FAM168A: variants seen among roughly 807,000 people sequenced by gnomAD.
FAM168A encodes protein FAM168A.
In FAM168A, 3 loss-of-function variants were observed where a neutral mutation model predicts 28.5. The observed-to-expected ratio is 0.11, with a 90% CI of 0.05 to 0.27. The LOEUF is 0.27. Ranked by LOEUF, FAM168A falls within the 10% of genes least tolerant of loss-of-function variation. The pLI, the probability that FAM168A is intolerant of heterozygous loss-of-function variation, is 1.00. For synonymous variants in FAM168A, 122 were observed against 124.2 expected (o/e 0.98, Z 0.12); for missense variants, 222 against 311.5 (o/e 0.71, Z 2.16).
intron 1 of FAM168A, among the ~76,000 whole-genome samples, chr11:73,543,619 T>A (rs1425371954): frequency 6.6e-6 from 1 of 152,180 alleles, no homozygotes; most frequent in Non-Finnish European, 1.5e-5. Flanking sequence ...CTAAACAGAC[T>A]GAATATTCTT....
At chr11:73,463,272 A>G (rs1159703588) in intron 2 of FAM168A, among the ~76,000 whole-genome samples, 1 of 152,178 alleles carries the variant, frequency 6.6e-6, no homozygotes, top group Non-Finnish European at 1.5e-5. Flanking sequence ...CAGCCAAGAT[A>G]GTACATGTGT....
chr11:73,557,498 G>A (rs1213325661), intron 1 of FAM168A, among the ~76,000 whole-genome samples: 1 of 151,998 alleles, frequency 6.6e-6, no homozygotes. Context: ...CCAAAGTGCT[G>A]GGATTATAGG....
intron 2 of FAM168A, among the ~76,000 whole-genome samples, chr11:73,437,400 C>CTTTTTTT (rs747204512): frequency 2.9e-5 from 3 of 103,514 alleles, no homozygotes; most frequent in Non-Finnish European, 5.7e-5. Flanking sequence ...CCCGGCCACT[C>CTTTTTTT]TTTTTTTTTT....
chr11:73,576,262 T>C (rs557847369), intron 1 of FAM168A, among the ~76,000 whole-genome samples: 6 of 152,186 alleles, frequency 3.9e-5, no homozygotes, highest in African/African-American at 7.2e-5. Context: ...CCAACCAGCA[T>C]GAACAATCTA....
intron 1 of FAM168A, among the ~76,000 whole-genome samples, chr11:73,526,008 T>C (rs919861773): frequency 1.3e-5 from 2 of 152,216 alleles, no homozygotes; most frequent in African/African-American, 4.8e-5. Flanking sequence ...GGGGTAGTAG[T>C]ATGCTGTTTT....
At chr11:73,578,927 A>G (rs1041890136) in intron 1 of FAM168A, among the ~76,000 whole-genome samples, 2 of 152,218 alleles carry the variant, frequency 1.3e-5, no homozygotes, top group South Asian at 2.1e-4. Context: ...TGCTGTGTAC[A>G]TAACAGAATA....
intron 1 of FAM168A, among the ~76,000 whole-genome samples, chr11:73,543,296 C>T (rs1031010245): frequency 1.3e-4 from 16 of 126,676 alleles, no homozygotes; most frequent in Middle Eastern, 5.6e-3. Flanking sequence ...TGGAGTCTTG[C>T]TCTGTTGCCC....
intron 1 of FAM168A, among the ~76,000 whole-genome samples, chr11:73,586,828 G>A (rs1944318359): frequency 6.6e-6 from 1 of 152,078 alleles, no homozygotes; most frequent in African/African-American, 2.4e-5. Flanking sequence ...TTCTCTAAAA[G>A]CCATTTCACA....
At chr11:73,478,122 T>C (rs1867916755) in intron 1 of FAM168A, among the ~76,000 whole-genome samples, 1 of 152,234 alleles carries the variant, frequency 6.6e-6, no homozygotes. Context: ...AATGCTGCCA[T>C]ATTGGAGCAA....
chr11:73,516,377 G>A (rs1337519920), intron 1 of FAM168A, among the ~76,000 whole-genome samples: 1 of 152,116 alleles, frequency 6.6e-6, no homozygotes, highest in Admixed American at 6.5e-5. Flanking sequence ...ATAATTAAAT[G>A]AGAGAAATTG....
At chr11:73,439,952 C>G (rs1443771207) in intron 2 of FAM168A, among the ~76,000 whole-genome samples, 1 of 128,058 alleles carries the variant, frequency 7.8e-6, no homozygotes, top group Non-Finnish European at 1.5e-5. Flanking sequence ...ATGGTGTGAT[C>G]TCTGCTCACT....
chr11:73,407,085 G>C (rs989627139), intron 7 of FAM168A, among the ~76,000 whole-genome samples: 18 of 152,214 alleles, frequency 1.2e-4, no homozygotes, highest in Admixed American at 3.9e-4. Context: ...TTCATTTGAA[G>C]AATGGGGCCC....
At chr11:73,463,616 G>A (rs912901739) in intron 2 of FAM168A, among the ~76,000 whole-genome samples, 18 of 152,114 alleles carry the variant, frequency 1.2e-4, no homozygotes, top group East Asian at 5.8e-4. Context: ...AGGGAGAAAC[G>A]GAGCCCTTGT....
Position 73,462,413 on chromosome 11 carries a change from A to T in FAM168A, c.70+5992T>A, listed in dbSNP as rs1281317462. On this transcript the variant is annotated intron_variant, in intron 2 of 7. Transcript: ENST00000356467. ...ACTAGTCAAATTCATAAAGATAATA[A>T]GTAGGTTGGTGATTGCCAGGAGCTG... Among the ~76,000 whole-genome samples the T allele has an allele frequency of 2.6e-5, 4 of 152,284 alleles. No individual in the cohort carries two copies. In the South Asian group the frequency reaches 6.2e-4, roughly 24 times the overall value.
intron 1 of FAM168A, among the ~76,000 whole-genome samples, chr11:73,473,306 T>C (rs893216162): frequency 9.2e-5 from 14 of 152,218 alleles, no homozygotes; most frequent in African/African-American, 3.4e-4. Flanking sequence ...CTGTACTAGA[T>C]GAGGCTTCCA....
intron 3 of FAM168A, among the ~76,000 whole-genome samples, chr11:73,424,496 C>CCG (rs1027797192): frequency 6.6e-6 from 1 of 150,978 alleles, no homozygotes; most frequent in African/African-American, 2.4e-5. Flanking sequence ...AGCACGCTGC[C>CCG]CCCCCCACCT....
intron 1 of FAM168A, among the ~76,000 whole-genome samples, chr11:73,537,901 T>A (rs1290358507): frequency 6.6e-6 from 1 of 152,190 alleles, no homozygotes; most frequent in Non-Finnish European, 1.5e-5. Flanking sequence ...CACACTTGCA[T>A]AAATGTCTGA....
rs191521574 is a variant in FAM168A, at chr11:73,561,015, T to C, written c.-19+36908A>G. Among the ~76,000 whole-genome samples, 65 of 148,606 alleles carry C rather than the reference T, an allele frequency of 4.4e-4. No individual in the cohort carries two copies. In the Middle Eastern group the frequency reaches 0.01, roughly 24 times the overall value. ...AGGCAGAGGTTGCAGTGAGCCAAGA[T>C]TGCGCCACTGCACTCCAGCCTGGGT... On this transcript the variant is annotated intron_variant, in intron 1 of 7. Coordinates refer to ENST00000356467, the MANE Select transcript of FAM168A (RefSeq NM_015159.3).
chr11:73,450,978 C>T (rs1179436522), intron 2 of FAM168A, among the ~76,000 whole-genome samples: 2 of 152,194 alleles, frequency 1.3e-5, no homozygotes, highest in Non-Finnish European at 2.9e-5. Flanking sequence ...CATACCTGTG[C>T]TTATTACCAT....
Sources: gnomAD v4.1 joint callset for allele counts (sites outside exome capture counted in the v4.1 genomes callset) on GRCh38, gnomAD v4.1.1 for gene constraint, MANE v1.5 for transcripts, NCBI Gene and HGNC (gene_info 2026-07-23, HGNC 2026-07-21) for gene names.